The following MAN2B2 variants were observed in gnomAD, a reference collection of about 807,000 sequenced individuals.
MAN2B2 encodes mannosidase alpha class 2B member 2.
Under a neutral mutation model 117.1 loss-of-function variants are expected in MAN2B2, and 106 were observed. The observed-to-expected ratio is 0.90, with a 90% CI of 0.77 to 1.06. The LOEUF (loss-of-function observed/expected upper bound fraction) is 1.06, where lower values mean the gene tolerates loss of function less well. Among genes scored for constraint, MAN2B2 ranks in the 50% least tolerant of loss-of-function variants. The pLI is 0.00. For synonymous variants in MAN2B2, 544 were observed against 595.1 expected, an observed-to-expected ratio of 0.91 and a Z score of 1.25; for missense variants, 1,326 against 1,381.4, an observed-to-expected ratio of 0.96 and a Z score of 0.64.
In MAN2B2 at chr4:6,576,681, G is replaced by A. The variant is rs750214368; in HGVS notation, c.242G>A (p.Arg81Gln). 1.3e-5 allele frequency: 21 copies of A among 1,613,868 alleles called. No homozygotes were observed. Among genetic ancestry groups the A allele is most frequent in the South Asian group, 7.7e-5 (7 of 91,088 alleles). ...ATCGCTGTGGAGCAGGAGTTTTTCC[G>A]GCTGTGGTGGGATGGCGTCGCCTCG... ...RFIAVEQEFF[R>Q]LWWDGVASDQ... Residue 81 changes from arginine (R) to glutamine (Q), a missense_variant, in exon 2 of 19, where the codon CGG (arginine) becomes CAG (glutamine). Physicochemically the swap from Arg to Gln is conservative, Grantham distance 43 (BLOSUM62 1). Coordinates refer to ENST00000285599, the MANE Select transcript of MAN2B2 (RefSeq NM_015274.3).
intron 9 of MAN2B2, among the ~76,000 whole-genome samples, chr4:6,599,811 C>T (rs936333603): frequency 2.0e-5 from 3 of 152,222 alleles, no homozygotes; most frequent in African/African-American, 7.2e-5. Flanking sequence ...TGTGTGTAAT[C>T]CCATCCAACC....
chr4:6,581,465 A>C (rs895466168), intron 3 of MAN2B2, among the ~76,000 whole-genome samples: 78 of 152,232 alleles, frequency 5.1e-4, no homozygotes, highest in African/African-American at 1.8e-3. Flanking sequence ...CTTAACTTGT[A>C]GTCCCTAGGG....
Position 6,594,748 on chromosome 4 carries a change from G to T in MAN2B2, c.1057+16G>T. The T allele has an allele frequency of 6.2e-7, 1 of 1,601,424 alleles. No homozygotes were observed. Among genetic ancestry groups the T allele is most frequent in the Non-Finnish European group, 8.5e-7 (1 of 1,175,234 alleles). On this transcript the variant is annotated intron_variant, in intron 7 of 18. Transcript: ENST00000285599. ...TATTCCACAGGTACAGGCTTCCAGG[G>T]GCTGGGGTGGTAGTTTGGTGGCAGG...
intron 16 of MAN2B2, among the ~76,000 whole-genome samples, chr4:6,615,670 C>T (rs2108759205): frequency 6.6e-6 from 1 of 152,156 alleles, no homozygotes; most frequent in African/African-American, 2.4e-5. Context: ...TGTGGTGATG[C>T]TTGCCTGTGG....
intron 15 of MAN2B2, among the ~76,000 whole-genome samples, chr4:6,613,753 G>C (rs942818863): frequency 7.2e-6 from 1 of 139,860 alleles, no homozygotes; most frequent in Non-Finnish European, 1.5e-5. Context: ...GGACGGGAGG[G>C]AAAAGAAAAG....
chr4:6,599,617 C>T (rs909505149), intron 9 of MAN2B2, among the ~76,000 whole-genome samples: 7 of 149,694 alleles, frequency 4.7e-5, no homozygotes, highest in Non-Finnish European at 4.4e-5. Flanking sequence ...GAGCCGAGAT[C>T]GCACCACTGC....
At chr4:6,587,218 C>T in intron 4 of MAN2B2, 50 bp downstream of exon 4, 1 of 1,588,640 alleles carries the variant, frequency 6.3e-7, no homozygotes, top group Non-Finnish European at 8.6e-7. Flanking sequence ...TCCTCCCTTC[C>T]TTCCTTGAAT....
At chr4:6,617,265 C>T (rs917312228) in intron 16 of MAN2B2, 115 bp from the exon 17 acceptor site, 10 of 734,668 alleles carry the variant, frequency 1.4e-5, no homozygotes, top group Middle Eastern at 3.9e-4. Flanking sequence ...CAAACCATAT[C>T]GAGGAGGTTA....
intron 15 of MAN2B2, among the ~76,000 whole-genome samples, chr4:6,613,783 GGAAA>G (rs1394343367): frequency 6.9e-6 from 1 of 145,750 alleles, no homozygotes; most frequent in Admixed American, 6.9e-5. Context: ...AGGGAAGGAA[GGAAA>G]GAAGGAAGAA....
At chr4:6,583,456 A>G (rs1032410494) in intron 3 of MAN2B2, among the ~76,000 whole-genome samples, 3 of 152,216 alleles carry the variant, frequency 2.0e-5, no homozygotes, top group Non-Finnish European at 4.4e-5. Flanking sequence ...CAGAATGTAT[A>G]TCGGACGCCA....
intron 2 of MAN2B2, among the ~76,000 whole-genome samples, chr4:6,577,219 A>G (rs1156680011): frequency 6.6e-6 from 1 of 152,112 alleles, no homozygotes; most frequent in Non-Finnish European, 1.5e-5. Context: ...CCTGGGTCCC[A>G]TCCTGCTCCC....
intron 6 of MAN2B2, among the ~76,000 whole-genome samples, chr4:6,593,754 G>A (rs373416412): frequency 9.2e-5 from 14 of 152,244 alleles, no homozygotes; most frequent in South Asian, 2.1e-4. Flanking sequence ...CGTGGCCATC[G>A]TCACAGCTAA....
chr4:6,608,983 C>T (rs1727650937), intron 11 of MAN2B2, 124 bp from the exon 12 acceptor site: 2 of 813,212 alleles, frequency 2.5e-6, no homozygotes, highest in African/African-American at 1.7e-5. Context: ...TGAGCTGAGT[C>T]ACATGGCCTC....
rs755424785 is a variant in MAN2B2 at position 6,578,462 on chromosome 4, G to A, written c.355G>A (p.Val119Met). Residue 119 changes from valine (V) to methionine (M), a missense_variant, in exon 3 of 19, where the codon GTG becomes ATG. Transcript: ENST00000285599. Reference protein sequence around the residue: ...IGGQVMHDEAVTHLDDQILQL... With the variant: ...IGGQVMHDEAMTHLDDQILQL... ...AGGCCAGGTCATGCATGACGAGGCT[G>A]TGACGCACCTTGATGACCAGATCCT... 2.5e-6 allele frequency: 4 copies of A among 1,613,658 alleles called. No individual in the cohort carries two copies. The highest frequency in any genetic ancestry group is 1.1e-5 in the South Asian group (1 of 91,022).
chr4:6,598,398 G>T, intron 9 of MAN2B2, 44 bp downstream of exon 9: 1 of 1,588,826 alleles, frequency 6.3e-7, no homozygotes. Flanking sequence ...TTTATGAAGG[G>T]AGAGCCTGAG....
rs908431692 is a variant in MAN2B2 at position 6,621,025 on chromosome 4, T to A, written c.2933-163T>A. On this transcript the variant is annotated intron_variant, in intron 18 of 18. Transcript: ENST00000285599. The stretch of plus-strand genomic sequence containing the variant: ...CAGCAGACTGTAGCCAGGTGCAGTG[T>A]GGTGAGAAGGAGGCTGGGAGCCACA... The A allele has an allele frequency of 1.2e-5, 7 of 582,028 alleles. No individual in the cohort carries two copies. The African/African-American group carries it at 1.3e-4, about 11-fold the overall frequency. 36.1% of individuals were successfully genotyped at this position (582,028 alleles called of 1,614,324 possible).
At chr4:6,611,046 C>G in intron 14 of MAN2B2, 40 bp from the exon 15 acceptor site, 1 of 1,612,108 alleles carries the variant, frequency 6.2e-7, no homozygotes. Context: ...CAGGCATGCC[C>G]AGGTGCAAGC....
At chr4:6,583,305 C>G (rs1159057490) in intron 3 of MAN2B2, among the ~76,000 whole-genome samples, 2 of 152,196 alleles carry the variant, frequency 1.3e-5, no homozygotes, top group Non-Finnish European at 2.9e-5. Context: ...TATTTTGCTC[C>G]CAGTCCATTG....
intron 17 of MAN2B2, 54 bp from the exon 18 acceptor site, chr4:6,619,873 G>A: frequency 6.5e-7 from 1 of 1,531,112 alleles, no homozygotes; most frequent in Non-Finnish European, 9.0e-7. Context: ...TTGGTTCTCT[G>A]CTCAGCTCTG....
Sources: allele counts gnomAD v4.1 joint callset (sites outside exome capture counted in the v4.1 genomes callset), GRCh38; gene constraint gnomAD v4.1.1; transcripts MANE v1.5; gene names NCBI Gene and HGNC (gene_info 2026-07-23, HGNC 2026-07-21).